Variants in SDK1 observed in about 807,000 individuals in gnomAD.
SDK1 encodes the protein sidekick cell adhesion molecule 1.
In SDK1, 157 loss-of-function variants were observed where a neutral mutation model predicts 245.5. The ratio of observed to expected loss-of-function variants is 0.64; its 90% CI spans 0.56 to 0.73. The LOEUF is 0.73. Among genes scored for constraint, SDK1 ranks in the 30% least tolerant of loss-of-function variants. The probability of loss-of-function intolerance (pLI) is 0.00; values close to 1 mark genes in which losing one functional copy is unlikely to be tolerated. For synonymous variants in SDK1, 1,647 were observed against 1,278.5 expected (o/e 1.29, Z -6.15); for missense variants, 3,583 against 3,002.3 (o/e 1.19, Z -4.52).
intron 30 of SDK1, among the ~76,000 whole-genome samples, chr7:4,152,982 G>T (rs1027682999): frequency 6.6e-6 from 1 of 152,156 alleles, no homozygotes; most frequent in Non-Finnish European, 1.5e-5. Flanking sequence ...TAGAGAGGAA[G>T]AAGAGAAGGG....
chr7:3,338,236 G>A (rs1780254403), intron 1 of SDK1: 2 of 305,900 alleles, frequency 6.5e-6, no homozygotes, highest in Admixed American at 3.7e-5. Context: ...TAAGAAAGAT[G>A]ATATTGGAGA....
At chr7:4,115,519 G>A (rs550761592) in intron 25 of SDK1, among the ~76,000 whole-genome samples, 31 of 152,298 alleles carry the variant, frequency 2.0e-4, no homozygotes, top group Admixed American at 1.4e-3. Context: ...GACTCTCTGC[G>A]TTAATGAGAA....
At chr7:3,631,091 G>A (rs1237546598) in intron 2 of SDK1, among the ~76,000 whole-genome samples, 2 of 152,066 alleles carry the variant, frequency 1.3e-5, no homozygotes, top group African/African-American at 4.8e-5. Context: ...ATGCTGCCAC[G>A]CCTGGTTAAT....
intron 1 of SDK1, among the ~76,000 whole-genome samples, chr7:3,563,737 A>G (rs1159151726): frequency 1.3e-5 from 2 of 152,222 alleles, no homozygotes; most frequent in African/African-American, 4.8e-5. Context: ...TGCATACTTG[A>G]GACAATGTGT....
At chr7:3,450,829 G>C (rs1164238926) in intron 1 of SDK1, among the ~76,000 whole-genome samples, 1 of 152,018 alleles carries the variant, frequency 6.6e-6, no homozygotes, top group African/African-American at 2.4e-5. Context: ...GGATGAAGAT[G>C]GAGACATCTA....
chr7:3,810,869 T>A (rs1019981500), intron 4 of SDK1, among the ~76,000 whole-genome samples: 1 of 152,216 alleles, frequency 6.6e-6, no homozygotes, highest in Non-Finnish European at 1.5e-5. Flanking sequence ...TAGGCCTCTT[T>A]GCTAAATTAT....
chr7:3,735,930 G>T (rs1227866381), intron 4 of SDK1, among the ~76,000 whole-genome samples: 2 of 152,158 alleles, frequency 1.3e-5, no homozygotes, highest in Non-Finnish European at 2.9e-5. Context: ...CCATTTTCCT[G>T]ATCATTGGTG....
chr7:3,310,033 T>G (rs535126090), intron 1 of SDK1, among the ~76,000 whole-genome samples: 2 of 152,200 alleles, frequency 1.3e-5, no homozygotes, highest in Non-Finnish European at 2.9e-5. Flanking sequence ...TAGTATTCAC[T>G]TCCACCTAGG....
At chr7:3,582,427 CAGGTAGGTCTGT>C (rs1780533529) in intron 1 of SDK1, among the ~76,000 whole-genome samples, 2 of 145,810 alleles carry the variant, frequency 1.4e-5, no homozygotes, top group East Asian at 2.0e-4. Context: ...AGGTCTGTCT[CAGGTAGGTCTGT>C]CTCAGGTAGG....
At chr7:4,163,068 G>A (rs1781263350) in intron 32 of SDK1, among the ~76,000 whole-genome samples, 1 of 152,234 alleles carries the variant, frequency 6.6e-6, no homozygotes, top group South Asian at 2.1e-4. Flanking sequence ...ACAACAGATG[G>A]ACAGGCAGGG....
intron 1 of SDK1, among the ~76,000 whole-genome samples, chr7:3,388,389 TAA>T (rs1196856397): frequency 2.1e-5 from 3 of 143,058 alleles, no homozygotes; most frequent in Non-Finnish European, 1.5e-5. Context: ...GATTGAAGAT[TAA>T]AAAAAAAAAA....
intron 4 of SDK1, among the ~76,000 whole-genome samples, chr7:3,656,474 C>G (rs190251863): frequency 3.4e-4 from 52 of 152,270 alleles, no homozygotes; most frequent in Non-Finnish European, 6.0e-4. Flanking sequence ...AAAATTCCCT[C>G]AAAAGCAAAT....
At chr7:3,946,658 C>CT (rs1285047154) in intron 5 of SDK1, among the ~76,000 whole-genome samples, 3 of 152,126 alleles carry the variant, frequency 2.0e-5, no homozygotes, top group Non-Finnish European at 2.9e-5. Flanking sequence ...TGAAGACTTA[C>CT]TTTTTTTAAG....
chr7:3,390,109 C>G (rs1240420097), intron 1 of SDK1, among the ~76,000 whole-genome samples: 3 of 152,076 alleles, frequency 2.0e-5, no homozygotes, highest in Non-Finnish European at 4.4e-5. Flanking sequence ...AGGAGATTTC[C>G]AAGCAAATTG....
chr7:3,977,601 C>G, intron 13 of SDK1, among the ~76,000 whole-genome samples: 1 of 152,230 alleles, frequency 6.6e-6, no homozygotes, highest in East Asian at 1.9e-4. Flanking sequence ...GTCTCCTGAT[C>G]ATGCACCCCT....
rs551008703 is a variant in SDK1 at position 3,989,088 on chromosome 7, C to T, written c.2131+1766C>T. Reference sequence around the variant, plus strand: ...AACCTTTTAATACGTAAGCTGCCGGCCTCCCTCTGTTATCCTATCTGTATT... The same window carrying T: ...AACCTTTTAATACGTAAGCTGCCGGTCTCCCTCTGTTATCCTATCTGTATT... On this transcript the variant is annotated intron_variant, in intron 14 of 44. Transcript: ENST00000404826. 2.0e-5 allele frequency among the ~76,000 whole-genome samples: 3 copies of T among 152,300 alleles called. 1 individual carries two copies. Among genetic ancestry groups the T allele is most frequent in the African/African-American group, 7.2e-5 (3 of 41,560 alleles).
rs981320763 is a variant in SDK1, at chr7:4,265,379, G to A, written c.6637G>A (p.Val2213Met). The change falls in exon 45 of 45, where the codon GTG (valine) becomes ATG (methionine). Residue 2213 changes from valine to methionine, a missense_variant. Val to Met is a conservative substitution (Grantham distance 21). Transcript: ENST00000404826. ...RTPLTGFSSFV is the reference protein window; with the variant it reads ...RTPLTGFSSFM ...TCCGCTCACCGGCTTCTCCTCCTTC[G>A]TGTGAGCAAAGCGCCGCGCCTCCCT... is the stretch of plus-strand genomic sequence containing the variant. 2.1e-6 allele frequency: 3 copies of A among 1,436,074 alleles called. No homozygotes were observed. Among genetic ancestry groups the A allele is most frequent in the East Asian group, 5.2e-5 (2 of 38,172 alleles). 89.0% of individuals were successfully genotyped at this position (1,436,074 alleles called of 1,614,324 possible). A position where few individuals can be genotyped will look rare whatever the true frequency, so the allele number is the denominator to read the frequency against.
intron 1 of SDK1, among the ~76,000 whole-genome samples, chr7:3,446,232 G>A (rs994378267): frequency 6.6e-6 from 1 of 152,082 alleles, no homozygotes; most frequent in Non-Finnish European, 1.5e-5. Context: ...CATGGTGTAT[G>A]CTGTCTGTAA....
At chr7:3,886,614 T>C (rs964184271) in intron 5 of SDK1, among the ~76,000 whole-genome samples, 1 of 152,222 alleles carries the variant, frequency 6.6e-6, no homozygotes, top group Non-Finnish European at 1.5e-5. Flanking sequence ...CACTTGACCC[T>C]GCCTCAAAAG....
Sources: allele counts gnomAD v4.1 joint callset (sites outside exome capture counted in the v4.1 genomes callset), GRCh38; gene constraint gnomAD v4.1.1; transcripts MANE v1.5; gene names NCBI Gene and HGNC (gene_info 2026-07-23, HGNC 2026-07-21).